The following CNTNAP5 variants were observed in gnomAD, a reference collection of about 807,000 sequenced individuals.
CNTNAP5 encodes the protein contactin-associated protein-like 5.
CNTNAP5 carries 72 observed loss-of-function variants against 150.2 expected under a neutral mutation model. The observed-to-expected ratio is 0.48, with a 90% CI of 0.40 to 0.58. The LOEUF is 0.58. Ranked by LOEUF, CNTNAP5 falls within the 20% of genes least tolerant of loss-of-function variation. The probability of loss-of-function intolerance (pLI) is 0.00; values close to 1 mark genes in which losing one functional copy is unlikely to be tolerated. For synonymous variants in CNTNAP5, 672 were observed against 619.8 expected, an observed-to-expected ratio of 1.08 and a Z score of -1.25; for missense variants, 1,636 against 1,626.2, an observed-to-expected ratio of 1.01 and a Z score of -0.10.
chr2:124,895,148 T>A lies in CNTNAP5; in HGVS notation c.3437-7734T>A, dbSNP rs571610536. On this transcript the variant is annotated intron_variant, in intron 21 of 23. Coordinates refer to ENST00000682447, the MANE Select transcript of CNTNAP5 (RefSeq NM_001367498.1). ...ATTGACTTGGTTATATTTTTTTTAC[T>A]TCTTGTATCATTAATATCTACCTAT... Among the ~76,000 whole-genome samples, 9 of 151,772 alleles carry A rather than the reference T, an allele frequency of 5.9e-5. No homozygotes were observed. The East Asian group carries it at 1.7e-3, about 29-fold the overall frequency.
rs1683133382 is a variant in CNTNAP5 at position 124,850,526 on chromosome 2, A to G, written c.3218-14780A>G. On this transcript the variant is annotated intron_variant, in intron 19 of 23. Transcript: ENST00000682447. ...AAGCATCCTCCCCTTGAACCATTAG[A>G]GGACAAGTGGACCTGCTGATATTTC... Among the ~76,000 whole-genome samples, 2 of 152,208 alleles carry G rather than the reference A, an allele frequency of 1.3e-5. 1 individual carries two copies. Among genetic ancestry groups the G allele is most frequent in the African/African-American group, 4.8e-5 (2 of 41,464 alleles).
chr2:124,496,347 A>G (rs1460509300), intron 7 of CNTNAP5, among the ~76,000 whole-genome samples: 1 of 152,172 alleles, frequency 6.6e-6, no homozygotes, highest in Admixed American at 6.5e-5. Flanking sequence ...GGTTGTACTC[A>G]TTTGGAAAAT....
chr2:124,726,928 A>G (rs1680168646), intron 13 of CNTNAP5, among the ~76,000 whole-genome samples: 1 of 151,870 alleles, frequency 6.6e-6, no homozygotes. Flanking sequence ...CATCATGAAG[A>G]TTTTATCCAG....
chr2:124,610,851 C>G (rs1032671962), intron 12 of CNTNAP5, among the ~76,000 whole-genome samples: 2 of 151,750 alleles, frequency 1.3e-5, no homozygotes, highest in African/African-American at 2.4e-5. Flanking sequence ...CAACTACTCC[C>G]GAGGCTGAGG....
intron 22 of CNTNAP5, among the ~76,000 whole-genome samples, chr2:124,904,975 A>AT (rs1482594037): frequency 6.6e-6 from 1 of 150,484 alleles, no homozygotes; most frequent in Non-Finnish European, 1.5e-5. Flanking sequence ...AAATGTTTTT[A>AT]AACCATATGA....
intron 1 of CNTNAP5, among the ~76,000 whole-genome samples, chr2:124,106,255 AG>A (rs1458623132): frequency 6.6e-6 from 1 of 152,198 alleles, no homozygotes; most frequent in Non-Finnish European, 1.5e-5. Context: ...CCTGACATAC[AG>A]CTCCTAAAGT....
intron 1 of CNTNAP5, among the ~76,000 whole-genome samples, chr2:124,096,358 G>C (rs1370848824): frequency 2.6e-5 from 4 of 152,090 alleles, no homozygotes; most frequent in African/African-American, 9.7e-5. Flanking sequence ...TTGGGCAAGA[G>C]GTGTGCATGA....
intron 19 of CNTNAP5, among the ~76,000 whole-genome samples, chr2:124,831,199 C>G (rs965934925): frequency 6.6e-6 from 1 of 151,926 alleles, no homozygotes; most frequent in African/African-American, 2.4e-5. Context: ...TATATCATGA[C>G]TTACCCAGAC....
At chr2:124,504,217 G>A (rs1694344533) in intron 7 of CNTNAP5, 75 bp from the exon 8 acceptor site, 4 of 1,430,614 alleles carry the variant, frequency 2.8e-6, no homozygotes, top group Non-Finnish European at 3.9e-6. Flanking sequence ...TCAGCTCCAG[G>A]TGGTTGTTTA....
chr2:124,052,664 T>C (rs1052928783), intron 1 of CNTNAP5, among the ~76,000 whole-genome samples: 5 of 152,350 alleles, frequency 3.3e-5, no homozygotes, highest in African/African-American at 9.6e-5. Context: ...TTACTGCATC[T>C]TCCCCCTGAG....
rs187786058 is a variant in CNTNAP5 at position 124,264,629 on chromosome 2, G to A, written c.381+22236G>A. On this transcript the variant is annotated intron_variant, in intron 3 of 23. Transcript: ENST00000682447. ...GAGCAAGACTGAAATTAGGTTGTCAGTGGAGAGCTCAGGCTCATGTGGGGT... is the reference window on the plus strand; with the variant it reads ...GAGCAAGACTGAAATTAGGTTGTCAATGGAGAGCTCAGGCTCATGTGGGGT... 2.0e-3 allele frequency among the ~76,000 whole-genome samples: 308 copies of A among 152,298 alleles called. 3 individuals are homozygous for A. Among genetic ancestry groups the A allele is most frequent in the African/African-American group, 7.0e-3 (293 of 41,572 alleles).
chr2:124,212,339 A>G (rs1314469606), intron 1 of CNTNAP5, among the ~76,000 whole-genome samples: 1 of 152,118 alleles, frequency 6.6e-6, no homozygotes, highest in South Asian at 2.1e-4. Flanking sequence ...TGCTGTGAGA[A>G]GTGTTAATAG....
intron 6 of CNTNAP5, among the ~76,000 whole-genome samples, chr2:124,453,928 C>T: frequency 6.6e-6 from 1 of 151,974 alleles, no homozygotes. Flanking sequence ...AAAAAAAGAG[C>T]CTCTTTAAAG....
intron 5 of CNTNAP5, among the ~76,000 whole-genome samples, chr2:124,435,711 A>G (rs1222842481): frequency 1.3e-5 from 2 of 152,194 alleles, no homozygotes; most frequent in East Asian, 3.9e-4. Context: ...AGTTAAATAC[A>G]TTTTAGCAAT....
chr2:124,326,079 T>C (rs186089308), intron 3 of CNTNAP5, among the ~76,000 whole-genome samples: 27 of 152,328 alleles, frequency 1.8e-4, no homozygotes, highest in African/African-American at 6.0e-4. Flanking sequence ...ATTAAATGTT[T>C]GCAAAATGTG....
chr2:124,204,830 A>G (rs1299886247), intron 1 of CNTNAP5, among the ~76,000 whole-genome samples: 4 of 152,128 alleles, frequency 2.6e-5, no homozygotes, highest in African/African-American at 9.7e-5. Context: ...ACAAATCAAG[A>G]TGAGCTATGG....
intron 13 of CNTNAP5, among the ~76,000 whole-genome samples, chr2:124,687,601 ACTT>A (rs3039913): frequency 0.23 from 35,644 of 151,706 alleles, 4,670 homozygotes; most frequent in African/African-American, 0.36. Flanking sequence ...ACAGGAAGCA[ACTT>A]CTATATTCAG....
chr2:124,333,623 C>T (rs1689402658), intron 3 of CNTNAP5, among the ~76,000 whole-genome samples: 1 of 152,078 alleles, frequency 6.6e-6, no homozygotes, highest in African/African-American at 2.4e-5. Context: ...TTTTAAATAA[C>T]TGATTGAATA....
At chr2:124,416,713 G>A (rs929272311) in intron 3 of CNTNAP5, among the ~76,000 whole-genome samples, 2 of 151,942 alleles carry the variant, frequency 1.3e-5, no homozygotes, top group Non-Finnish European at 2.9e-5. Flanking sequence ...AATGATAATG[G>A]AAAGTGCTTA....
Sources: allele counts gnomAD v4.1 joint callset (sites outside exome capture counted in the v4.1 genomes callset), GRCh38; gene constraint gnomAD v4.1.1; transcripts MANE v1.5; gene names NCBI Gene and HGNC (gene_info 2026-07-23, HGNC 2026-07-21).